The following CDC14B variants were observed in gnomAD, a reference collection of about 807,000 sequenced individuals.
CDC14B encodes the protein cell division cycle 14B, also known as dual specificity protein phosphatase CDC14B.
CDC14B carries 22 observed loss-of-function variants against 64.2 expected under a neutral mutation model. The observed-to-expected ratio is 0.34, with a 90% CI of 0.24 to 0.49. The LOEUF is 0.49. Among genes scored for constraint, CDC14B ranks in the 20% least tolerant of loss-of-function variants. The pLI, the probability that CDC14B is intolerant of heterozygous loss-of-function variation, is 0.99. For missense variants in CDC14B, 498 were observed against 629.9 expected, an observed-to-expected ratio of 0.79 and a Z score of 2.24; for synonymous variants, 191 against 215.8, an observed-to-expected ratio of 0.89 and a Z score of 1.01.
At chr9:96,597,155 G>A (rs1441003980) in intron 1 of CDC14B, among the ~76,000 whole-genome samples, 1 of 152,170 alleles carries the variant, frequency 6.6e-6, no homozygotes, top group Non-Finnish European at 1.5e-5. Flanking sequence ...ACACAGGGAA[G>A]CAAAGAAGGC....
At chr9:96,604,295 C>A (rs1465811959) in intron 1 of CDC14B, among the ~76,000 whole-genome samples, 1 of 151,484 alleles carries the variant, frequency 6.6e-6, no homozygotes, top group Non-Finnish European at 1.5e-5. Flanking sequence ...CTTATCTTTA[C>A]CTGGTTTCCT....
At chr9:96,553,981 C>T (rs1228743448) in intron 4 of CDC14B, among the ~76,000 whole-genome samples, 3 of 151,974 alleles carry the variant, frequency 2.0e-5, no homozygotes, top group East Asian at 3.9e-4. Flanking sequence ...CTGGCTAACA[C>T]GGTGAAACCC....
intron 1 of CDC14B, among the ~76,000 whole-genome samples, chr9:96,613,174 T>C (rs1026672129): frequency 1.3e-5 from 2 of 152,204 alleles, no homozygotes; most frequent in Non-Finnish European, 2.9e-5. Context: ...CAGGGGAATG[T>C]GGAGGGTTTT....
intron 1 of CDC14B, among the ~76,000 whole-genome samples, chr9:96,606,952 C>T (rs949458978): frequency 2.6e-5 from 4 of 151,374 alleles, no homozygotes; most frequent in Non-Finnish European, 4.4e-5. Context: ...GGGAGGATCA[C>T]GAGCACAGGA....
chr9:96,594,714 CAAAAA>C (rs11414625), intron 1 of CDC14B, among the ~76,000 whole-genome samples: 7 of 42,418 alleles, frequency 1.7e-4, no homozygotes, highest in Admixed American at 8.9e-4. Flanking sequence ...AAGGCTGTCT[CAAAAA>C]AAAAAAAAAA....
chr9:96,522,052 C>T (rs541947926), intron 12 of CDC14B, among the ~76,000 whole-genome samples: 11 of 152,242 alleles, frequency 7.2e-5, no homozygotes, highest in Admixed American at 3.9e-4. Context: ...AAGAAACAAA[C>T]GAAAAACCCA....
At chr9:96,588,489 G>A (rs933105701) in intron 1 of CDC14B, among the ~76,000 whole-genome samples, 39 of 152,136 alleles carry the variant, frequency 2.6e-4, no homozygotes, top group Non-Finnish European at 7.4e-5. Flanking sequence ...AATTTATAGG[G>A]CTTTTCTTGT....
At chr9:96,555,728 A>G (rs1842420689) in intron 4 of CDC14B, among the ~76,000 whole-genome samples, 1 of 152,214 alleles carries the variant, frequency 6.6e-6, no homozygotes, top group African/African-American at 2.4e-5. Context: ...AATATCACAC[A>G]AACACACGCA....
chr9:96,608,801 G>C (rs565220733), intron 1 of CDC14B, among the ~76,000 whole-genome samples: 1 of 151,944 alleles, frequency 6.6e-6, no homozygotes, highest in African/African-American at 2.4e-5. Context: ...AATAGAGATA[G>C]GGTTTTCGGT....
At chr9:96,573,781 G>C (rs1473423025) in intron 1 of CDC14B, among the ~76,000 whole-genome samples, 1 of 152,094 alleles carries the variant, frequency 6.6e-6, no homozygotes, top group Non-Finnish European at 1.5e-5. Context: ...AAATTACATG[G>C]AATATGACAT....
At chr9:96,585,453 T>C (rs768982727) in intron 1 of CDC14B, among the ~76,000 whole-genome samples, 2 of 151,918 alleles carry the variant, frequency 1.3e-5, no homozygotes, top group East Asian at 3.9e-4. Flanking sequence ...GTTTTAAAAA[T>C]GGGAACCAGG....
intron 4 of CDC14B, among the ~76,000 whole-genome samples, chr9:96,560,939 T>G (rs1843088058): frequency 6.6e-6 from 1 of 151,768 alleles, no homozygotes; most frequent in Non-Finnish European, 1.5e-5. Flanking sequence ...CTCAGAAACT[T>G]TTTTTTTCTT....
At chr9:96,601,421 C>T (rs1164056347) in intron 1 of CDC14B, among the ~76,000 whole-genome samples, 3 of 149,238 alleles carry the variant, frequency 2.0e-5, no homozygotes, top group Admixed American at 6.7e-5. Flanking sequence ...TGCTTGAACC[C>T]GGGAGGCAGA....
At position 96,523,382 on chromosome 9, in the gene CDC14B, C is replaced by A. The variant is rs768605478; in HGVS notation, c.1124G>T (p.Arg375Leu). ...TNLWLEGDYF[R>L]QKLKGQENGQ... ...ATTCTCCTGCCCCTTTAACTTCTGA[C>A]GAAAATAGTCCCCTTCCAGCCAGAG... is the stretch of plus-strand genomic sequence containing the variant. Residue 375 changes from arginine (R) to leucine (L), a missense_variant, in exon 11 of 14, where the codon CGT (arginine) becomes CTT (leucine). By Grantham distance (102) the Arg-to-Leu change is moderately radical. Coordinates refer to ENST00000375241, the MANE Select transcript of CDC14B (RefSeq NM_033331.4). The A allele has an allele frequency of 6.2e-7, 1 of 1,614,120 alleles. No individual in the cohort carries two copies. The highest frequency in any genetic ancestry group is 8.5e-7 in the Non-Finnish European group (1 of 1,180,016).
At chr9:96,518,701 G>T (rs1170947837) in intron 12 of CDC14B, among the ~76,000 whole-genome samples, 1 of 152,176 alleles carries the variant, frequency 6.6e-6, no homozygotes, top group Non-Finnish European at 1.5e-5. Flanking sequence ...TAAATGGAAT[G>T]AATAAATGGT....
intron 4 of CDC14B, among the ~76,000 whole-genome samples, chr9:96,558,991 C>T (rs1842826791): frequency 6.6e-6 from 1 of 152,166 alleles, no homozygotes; most frequent in Non-Finnish European, 1.5e-5. Flanking sequence ...AAGAGCAATA[C>T]TTTGAAATAC....
At chr9:96,572,103 G>A (rs372954422) in intron 1 of CDC14B, among the ~76,000 whole-genome samples, 9 of 152,294 alleles carry the variant, frequency 5.9e-5, no homozygotes, top group African/African-American at 1.4e-4. Flanking sequence ...CCACATGCCC[G>A]GAGGGTGGTG....
intron 9 of CDC14B, among the ~76,000 whole-genome samples, chr9:96,529,212 A>G (rs1432015709): frequency 6.6e-6 from 1 of 152,152 alleles, no homozygotes; most frequent in Non-Finnish European, 1.5e-5. Context: ...TTATAGTTTT[A>G]AGTCCTATAT....
intron 4 of CDC14B, among the ~76,000 whole-genome samples, chr9:96,554,254 T>C (rs776387741): frequency 3.3e-5 from 5 of 152,130 alleles, no homozygotes; most frequent in Non-Finnish European, 7.4e-5. Flanking sequence ...AAAATAAGAA[T>C]AGAGTCTGAT....
Sources: allele counts gnomAD v4.1 joint callset (sites outside exome capture counted in the v4.1 genomes callset), GRCh38; gene constraint gnomAD v4.1.1; transcripts MANE v1.5; gene names NCBI Gene and HGNC (gene_info 2026-07-23, HGNC 2026-07-21).